The following TULP4 variants were observed in gnomAD, a reference collection of about 807,000 sequenced individuals.
TULP4 encodes the protein TUB like protein 4, also known as tubby-related protein 4.
Under a neutral mutation model 129.0 loss-of-function variants are expected in TULP4, and 16 were observed. The observed-to-expected ratio is 0.12, with a 90% CI of 0.08 to 0.19. TULP4 has a LOEUF of 0.19. Ranked by LOEUF, TULP4 falls within the 10% of genes least tolerant of loss-of-function variation. The probability of loss-of-function intolerance (pLI) is 1.00; values close to 1 mark genes in which losing one functional copy is unlikely to be tolerated. For missense variants in TULP4, 1,842 were observed against 2,059.1 expected (o/e 0.89, Z 2.04); for synonymous variants, 998 against 854.0 (o/e 1.17, Z -2.94).
chr6:158,434,531 G>C (rs1778709728), intron 3 of TULP4, among the ~76,000 whole-genome samples: 1 of 152,210 alleles, frequency 6.6e-6, no homozygotes, highest in East Asian at 1.9e-4. Context: ...AGCAGGGTCT[G>C]CCAGAGCGAA....
intron 6 of TULP4, among the ~76,000 whole-genome samples, chr6:158,467,707 C>T (rs1779584440): frequency 6.6e-6 from 1 of 152,190 alleles, no homozygotes; most frequent in African/African-American, 2.4e-5. Flanking sequence ...AAAAAGATCA[C>T]CATAATCTGG....
intron 1 of TULP4, among the ~76,000 whole-genome samples, chr6:158,258,584 TAG>T: frequency 6.6e-6 from 1 of 152,314 alleles, no homozygotes; most frequent in South Asian, 2.1e-4. Context: ...ATAAAAATGT[TAG>T]AGACACCACT....
chr6:158,391,608 C>T (rs771257475), intron 1 of TULP4, among the ~76,000 whole-genome samples: 2 of 152,110 alleles, frequency 1.3e-5, no homozygotes, highest in African/African-American at 4.8e-5. Flanking sequence ...TTTCAAATGA[C>T]GTTTCATACC....
chr6:158,297,889 A>G (rs978405270), intron 1 of TULP4, among the ~76,000 whole-genome samples: 1 of 152,180 alleles, frequency 6.6e-6, no homozygotes, highest in African/African-American at 2.4e-5. Context: ...TTCCCACTCT[A>G]GTAAGCCTGA....
chr6:158,462,229 C>T (rs574796546), intron 6 of TULP4, among the ~76,000 whole-genome samples: 33 of 151,682 alleles, frequency 2.2e-4, no homozygotes, highest in East Asian at 7.7e-4. Context: ...AAATGCTTCA[C>T]GGAAACAGAG....
At chr6:158,421,223 G>C (rs1019261271) in intron 2 of TULP4, among the ~76,000 whole-genome samples, 3 of 152,122 alleles carry the variant, frequency 2.0e-5, no homozygotes, top group Non-Finnish European at 4.4e-5. Flanking sequence ...TTAGCCAGGC[G>C]TGGTGGCACG....
At chr6:158,262,233 C>T (rs1275871838) in intron 1 of TULP4, among the ~76,000 whole-genome samples, 1 of 152,198 alleles carries the variant, frequency 6.6e-6, no homozygotes, top group Non-Finnish European at 1.5e-5. Flanking sequence ...ACCATCATTC[C>T]CACTCAGCCT....
intron 1 of TULP4, among the ~76,000 whole-genome samples, chr6:158,270,331 G>A (rs905134992): frequency 3.3e-5 from 5 of 152,118 alleles, no homozygotes; most frequent in Admixed American, 6.5e-5. Flanking sequence ...GCCAGGGACC[G>A]GTCATTCCAG....
chr6:158,260,977 C>T (rs1256366888), intron 1 of TULP4, among the ~76,000 whole-genome samples: 6 of 145,400 alleles, frequency 4.1e-5, no homozygotes, highest in East Asian at 4.0e-4. Flanking sequence ...CACACCACCA[C>T]GACCGGCTAA....
chr6:158,348,280 C>A (rs975227779), intron 1 of TULP4, among the ~76,000 whole-genome samples: 1 of 149,982 alleles, frequency 6.7e-6, no homozygotes, highest in Admixed American at 6.7e-5. Flanking sequence ...CAGATAAACA[C>A]GTGAACAAAA....
chr6:158,307,370 C>T (rs1434543438), intron 1 of TULP4, among the ~76,000 whole-genome samples: 1 of 152,144 alleles, frequency 6.6e-6, no homozygotes, highest in East Asian at 1.9e-4. Flanking sequence ...CACTAAAATT[C>T]AACAAGTGGT....
intron 6 of TULP4, among the ~76,000 whole-genome samples, chr6:158,478,295 A>G (rs1161756976): frequency 6.6e-6 from 1 of 152,230 alleles, no homozygotes; most frequent in Non-Finnish European, 1.5e-5. Context: ...GCTCTAAGTT[A>G]TGAATATTGT....
At chr6:158,489,548 T>G in intron 8 of TULP4, 40 bp from the exon 9 acceptor site, 1 of 1,612,840 alleles carries the variant, frequency 6.2e-7, no homozygotes, top group African/African-American at 1.3e-5. Context: ...GGCTAATTGA[T>G]ATAACTTCCC....
intron 1 of TULP4, among the ~76,000 whole-genome samples, chr6:158,244,516 G>A (rs1318612670): frequency 2.6e-5 from 4 of 152,142 alleles, no homozygotes; most frequent in South Asian, 2.1e-4. Flanking sequence ...TGAGTGTGGG[G>A]CCTTCATATG....
chr6:158,455,892 A>G (rs748359663), intron 5 of TULP4, among the ~76,000 whole-genome samples: 19 of 152,224 alleles, frequency 1.2e-4, no homozygotes, highest in Non-Finnish European at 2.1e-4. Context: ...GTTCCCTGAA[A>G]TGACTGACAG....
chr6:158,498,712 G>A lies in TULP4; in HGVS notation c.1914G>A (p.Met638Ile). 6.2e-7 allele frequency: 1 copy of A among 1,614,190 alleles called. No individual in the cohort carries two copies. Among genetic ancestry groups the A allele is most frequent in the African/African-American group, 1.3e-5 (1 of 75,046 alleles). ...TSLLHLQPRQ[M>I]TIYLPEVRKI... ...TCCTGCATCTCCAGCCGCGGCAGAT[G>A]ACCATTTATCTCCCAGAAGTTCGGA... Residue 638 changes from methionine to isoleucine, a missense_variant, in exon 12 of 14, where the codon ATG becomes ATA. This residue lies in a region of TULP4 where 99 missense variants were observed against 165.1 expected (regional missense o/e 0.60). Transcript: ENST00000367097.
intron 1 of TULP4, among the ~76,000 whole-genome samples, chr6:158,326,857 T>C (rs111595170): frequency 0.013 from 1,940 of 152,300 alleles, 43 homozygotes; most frequent in African/African-American, 0.045. Flanking sequence ...GATCCACTTA[T>C]ATGTGGAATT....
At chr6:158,349,086 C>T (rs1446738611) in intron 1 of TULP4, among the ~76,000 whole-genome samples, 26 of 88,292 alleles carry the variant, frequency 2.9e-4, no homozygotes, top group East Asian at 4.4e-4. Flanking sequence ...GCGCTCCTCA[C>T]TTCCCAGATG....
chr6:158,387,420 A>G (rs947012646), intron 1 of TULP4, among the ~76,000 whole-genome samples: 5 of 152,354 alleles, frequency 3.3e-5, no homozygotes, highest in South Asian at 2.1e-4. Flanking sequence ...TCTAAAAAAA[A>G]GGAAGAAAAA....
Sources: allele counts gnomAD v4.1 joint callset (sites outside exome capture counted in the v4.1 genomes callset), GRCh38; gene constraint gnomAD v4.1.1; regional missense constraint gnomAD v4.1.1; transcripts MANE v1.5; gene names NCBI Gene and HGNC (gene_info 2026-07-23, HGNC 2026-07-21).